NTRK2: variants seen among roughly 807,000 people sequenced by gnomAD.
NTRK2 encodes BDNF/NT-3 growth factors receptor.
A neutral mutation model predicts 94.5 loss-of-function variants in NTRK2; 13 were observed. The ratio of observed to expected loss-of-function variants is 0.14; its 90% CI spans 0.09 to 0.22. NTRK2 has a LOEUF of 0.22. Ranked by LOEUF, NTRK2 falls within the 10% of genes least tolerant of loss-of-function variation. The pLI, the probability that NTRK2 is intolerant of heterozygous loss-of-function variation, is 1.00. For missense variants in NTRK2, 639 were observed against 1,071.2 expected, an observed-to-expected ratio of 0.60 and a Z score of 5.63; for synonymous variants, 372 against 407.4, an observed-to-expected ratio of 0.91 and a Z score of 1.05.
intron 4 of NTRK2, among the ~76,000 whole-genome samples, chr9:84,705,999 AG>A (rs1318436455): frequency 6.6e-6 from 1 of 152,154 alleles, no homozygotes; most frequent in East Asian, 1.9e-4. Context: ...CATGTTGGCC[AG>A]GCTGGTCTCA....
Position 84,813,067 on chromosome 9 carries a change from T to C in NTRK2, c.1397-47973T>C. The C allele has an allele frequency of 4.8e-6, 5 of 1,039,068 alleles. 1 individual carries two copies. The highest frequency in any genetic ancestry group is 5.8e-6 in the Non-Finnish European group (5 of 862,598). 64.4% of individuals were successfully genotyped at this position (1,039,068 alleles called of 1,614,324 possible). A position where few individuals can be genotyped will look rare whatever the true frequency, so the allele number is the denominator to read the frequency against. On this transcript the variant is annotated intron_variant, in intron 12 of 18. Transcript: ENST00000277120. Reference sequence around the variant, plus strand: ...TGTCTCCCATAAGAAATGTGCTTTTTAGAGCTTCCTAATGCATGTGTTGCA... The same window carrying C: ...TGTCTCCCATAAGAAATGTGCTTTTCAGAGCTTCCTAATGCATGTGTTGCA...
chr9:84,833,524 T>G lies in NTRK2; in HGVS notation c.1397-27516T>G, dbSNP rs576836058. Among the ~76,000 whole-genome samples the G allele has an allele frequency of 8.0e-5, 12 of 149,114 alleles. No homozygotes were observed. In the East Asian group the frequency reaches 2.4e-3, roughly 29 times the overall value. ...GGGAAGGAAGGAAGGAAGGGATCAC[T>G]CTAGTAGATACTAAGAAAGGAAAGA... On this transcript the variant is annotated intron_variant, in intron 12 of 18. Coordinates refer to ENST00000277120, the MANE Select transcript of NTRK2 (RefSeq NM_006180.6).
chr9:84,955,909 T>A (rs1824056128), intron 17 of NTRK2, among the ~76,000 whole-genome samples: 1 of 152,172 alleles, frequency 6.6e-6, no homozygotes. Flanking sequence ...TTTGAGGCCC[T>A]GGAGGTGAGG....
At chr9:84,921,593 T>A (rs1476705781) in intron 14 of NTRK2, among the ~76,000 whole-genome samples, 2 of 152,206 alleles carry the variant, frequency 1.3e-5, no homozygotes, top group African/African-American at 4.8e-5. Context: ...ATACAGCCTT[T>A]GTCTTTCCTG....
intron 12 of NTRK2, among the ~76,000 whole-genome samples, chr9:84,789,809 C>T (rs1314630200): frequency 6.6e-6 from 1 of 152,164 alleles, no homozygotes; most frequent in Non-Finnish European, 1.5e-5. Flanking sequence ...TTTCTATCTT[C>T]CTACCCATAA....
At chr9:84,686,110 A>C (rs2131468864) in intron 2 of NTRK2, among the ~76,000 whole-genome samples, 1 of 152,296 alleles carries the variant, frequency 6.6e-6, no homozygotes, top group South Asian at 2.1e-4. Context: ...CAATATGTAA[A>C]TCTCTAGACA....
chr9:84,852,247 C>T (rs1269691030), intron 12 of NTRK2, among the ~76,000 whole-genome samples: 1 of 152,216 alleles, frequency 6.6e-6, no homozygotes, highest in African/African-American at 2.4e-5. Flanking sequence ...TCCGCAAAGA[C>T]TTGCCCTGAG....
intron 14 of NTRK2, among the ~76,000 whole-genome samples, chr9:84,885,766 G>A (rs576297826): frequency 3.7e-4 from 56 of 152,282 alleles, no homozygotes; most frequent in African/African-American, 1.3e-3. Context: ...GGTGGCTCAC[G>A]CCTGTAATCT....
chr9:84,976,440 T>C (rs1397203792), intron 17 of NTRK2, among the ~76,000 whole-genome samples: 2 of 152,106 alleles, frequency 1.3e-5, no homozygotes, highest in Non-Finnish European at 2.9e-5. Flanking sequence ...GGCTTCAACA[T>C]AGGAATTTGG....
intron 17 of NTRK2, among the ~76,000 whole-genome samples, chr9:84,971,307 G>A (rs898266553): frequency 2.0e-5 from 3 of 152,192 alleles, no homozygotes; most frequent in African/African-American, 7.2e-5. Context: ...TGGACCTAAT[G>A]ATCCCCCTAG....
chr9:84,670,577 A>G lies in NTRK2; in HGVS notation c.-172A>G. The G allele has an allele frequency of 2.9e-6, 2 of 684,042 alleles. No individual in the cohort carries two copies. Among genetic ancestry groups the G allele is most frequent in the South Asian group, 1.7e-5 (1 of 57,828 alleles). 42.4% of individuals were successfully genotyped at this position (684,042 alleles called of 1,614,324 possible). A position where few individuals can be genotyped will look rare whatever the true frequency, so the allele number is the denominator to read the frequency against. The stretch of plus-strand genomic sequence containing the variant: ...TGTGAACCCTGCCGCCTGCCGGAAC[A>G]CTCTTCGCTCCGGACCAGCTCAGCC... On this transcript the variant is annotated 5_prime_UTR_variant, in exon 2 of 19. Coordinates refer to ENST00000277120, the MANE Select transcript of NTRK2 (RefSeq NM_006180.6).
chr9:84,911,102 A>G (rs779222206), intron 14 of NTRK2, among the ~76,000 whole-genome samples: 3 of 152,162 alleles, frequency 2.0e-5, no homozygotes, highest in Non-Finnish European at 2.9e-5. Flanking sequence ...TGCAAATCCT[A>G]CACATGTTTG....
chr9:84,959,077 G>A (rs781296621), intron 17 of NTRK2, among the ~76,000 whole-genome samples: 1 of 152,128 alleles, frequency 6.6e-6, no homozygotes, highest in Admixed American at 6.5e-5. Flanking sequence ...CATAGCTGGG[G>A]TAATGTGTTC....
rs142900265 is a variant in NTRK2, at chr9:84,794,250, G to A, written c.1396+42165G>A. On this transcript the variant is annotated intron_variant, in intron 12 of 18. Coordinates refer to ENST00000277120, the MANE Select transcript of NTRK2 (RefSeq NM_006180.6). ...AAAATACAAAATTACAAGGAGATTA[G>A]GAAGAAGTTGCCTAGAAATAGGCAG... Among the ~76,000 whole-genome samples, 1,014 of 152,330 alleles carry A rather than the reference G, an allele frequency of 6.7e-3. 9 individuals carry two copies. Among genetic ancestry groups the A allele is most frequent in the Middle Eastern group, 0.034 (10 of 294 alleles).
chr9:84,749,340 A>G (rs1316529089), intron 11 of NTRK2, among the ~76,000 whole-genome samples: 1 of 152,204 alleles, frequency 6.6e-6, no homozygotes, highest in Non-Finnish European at 1.5e-5. Context: ...CACACTGGCC[A>G]AGAGCTTTGT....
intron 12 of NTRK2, chr9:84,813,952 G>A (rs909901489): frequency 4.7e-6 from 5 of 1,065,118 alleles, no homozygotes; most frequent in African/African-American, 3.3e-5. Context: ...TGCATCCACC[G>A]TCATCACATG....
chr9:84,759,071 A>G (rs1227941467), intron 12 of NTRK2, among the ~76,000 whole-genome samples: 2 of 152,244 alleles, frequency 1.3e-5, no homozygotes, highest in African/African-American at 4.8e-5. Flanking sequence ...ATTTGTCAAT[A>G]TCAACCAAGT....
intron 17 of NTRK2, among the ~76,000 whole-genome samples, chr9:85,010,347 A>G (rs571835535): frequency 1.3e-5 from 2 of 152,352 alleles, no homozygotes; most frequent in African/African-American, 2.4e-5. Flanking sequence ...GCACCTTGGT[A>G]GTCTCCGTGA....
chr9:84,883,891 C>A (rs189741884), intron 14 of NTRK2, among the ~76,000 whole-genome samples: 1 of 152,256 alleles, frequency 6.6e-6, no homozygotes, highest in Non-Finnish European at 1.5e-5. Context: ...ACCTAGTTGA[C>A]TTTTCTCAAG....
Sources: allele counts gnomAD v4.1 joint callset (sites outside exome capture counted in the v4.1 genomes callset), GRCh38; gene constraint gnomAD v4.1.1; transcripts MANE v1.5; gene names NCBI Gene and HGNC (gene_info 2026-07-23, HGNC 2026-07-21).